Variants in PTPRD observed in about 807,000 individuals in gnomAD.
PTPRD encodes the protein protein tyrosine phosphatase receptor type D, also known as receptor-type tyrosine-protein phosphatase delta.
PTPRD carries 34 observed loss-of-function variants against 214.5 expected under a neutral mutation model. The observed-to-expected ratio is 0.16, with a 90% CI of 0.12 to 0.21. The LOEUF is 0.21. Among genes scored for constraint, PTPRD ranks in the 10% least tolerant of loss-of-function variants. The probability of loss-of-function intolerance (pLI) is 1.00; values close to 1 mark genes in which losing one functional copy is unlikely to be tolerated. For missense variants in PTPRD, 2,545 were observed against 2,398.7 expected (o/e 1.06, Z -1.27); for synonymous variants, 1,128 against 845.7 (o/e 1.33, Z -5.79).
intron 2 of PTPRD, among the ~76,000 whole-genome samples, chr9:10,552,195 G>T (rs779449579): frequency 2.0e-5 from 3 of 152,014 alleles, no homozygotes; most frequent in Non-Finnish European, 2.9e-5. Flanking sequence ...TCATTTTTTT[G>T]TAACTCCAAG....
chr9:9,846,222 T>C (rs1304480817), intron 5 of PTPRD, among the ~76,000 whole-genome samples: 2 of 152,120 alleles, frequency 1.3e-5, no homozygotes, highest in African/African-American at 4.8e-5. Flanking sequence ...ATTGTAGATC[T>C]TTACACCTGT....
intron 10 of PTPRD, among the ~76,000 whole-genome samples, chr9:9,058,014 A>G (rs2154398941): frequency 6.6e-6 from 1 of 152,344 alleles, no homozygotes; most frequent in Non-Finnish European, 1.5e-5. Flanking sequence ...AACGATTTCA[A>G]TACTCTATTG....
At chr9:8,415,607 G>C (rs77845437) in intron 35 of PTPRD, among the ~76,000 whole-genome samples, 7 of 151,830 alleles carry the variant, frequency 4.6e-5, no homozygotes, top group Non-Finnish European at 1.0e-4. Flanking sequence ...ACCATGATAC[G>C]TGTCTCCAAA....
intron 11 of PTPRD, among the ~76,000 whole-genome samples, chr9:8,948,515 A>T (rs1418793854): frequency 0.012 from 215 of 17,574 alleles, 44 homozygotes; most frequent in African/African-American, 0.025. Context: ...TTATATATAT[A>T]TATTTATATA....
chr9:10,417,570 G>A (rs757780637), intron 2 of PTPRD, among the ~76,000 whole-genome samples: 1 of 151,570 alleles, frequency 6.6e-6, no homozygotes, highest in African/African-American at 2.4e-5. Flanking sequence ...AATAAGCATG[G>A]TAATATTTAT....
intron 8 of PTPRD, among the ~76,000 whole-genome samples, chr9:9,454,549 G>C (rs1288368577): frequency 6.6e-6 from 1 of 151,712 alleles, no homozygotes; most frequent in African/African-American, 2.4e-5. Context: ...GTTCCCATTA[G>C]TTCAGTAAGA....
intron 2 of PTPRD, among the ~76,000 whole-genome samples, chr9:10,483,947 A>G (rs2099116354): frequency 6.6e-6 from 1 of 152,140 alleles, no homozygotes; most frequent in Non-Finnish European, 1.5e-5. Context: ...AGGGAATTAA[A>G]TCATCATATC....
intron 5 of PTPRD, among the ~76,000 whole-genome samples, chr9:9,922,677 A>T (rs2082902997): frequency 6.6e-6 from 1 of 152,092 alleles, no homozygotes; most frequent in African/African-American, 2.4e-5. Context: ...AATAACAAAA[A>T]AGTTATTGGA....
rs200989170 is a variant in PTPRD at position 9,076,379 on chromosome 9, GAAGC to G, written c.-142-57648_-142-57645del. Among the ~76,000 whole-genome samples, 1,510 of 152,144 alleles carry G rather than the reference GAAGC, an allele frequency of 9.9e-3. 22 individuals carry two copies. The highest frequency in any genetic ancestry group is 0.034 in the African/African-American group (1,424 of 41,520). ...TGATGGCAGTTTCTTTTGCTGTGCA[GAAGC>G]TCTTTAGTTTAATTAGTGTAAGTGT... is the stretch of plus-strand genomic sequence containing the variant. On this transcript the variant is annotated intron_variant, in intron 10 of 45. Transcript: ENST00000381196.
intron 11 of PTPRD, among the ~76,000 whole-genome samples, chr9:8,923,584 G>A (rs750993662): frequency 9.2e-5 from 14 of 152,034 alleles, no homozygotes; most frequent in Non-Finnish European, 1.9e-4. Flanking sequence ...TTGTTTTTAT[G>A]GAACTAGCAG....
rs1555502598 is a variant in PTPRD, at chr9:10,543,479, T to TATACACACAC, written c.-600+68918_-600+68919insGTGTGTGTAT. 2.6e-4 allele frequency among the ~76,000 whole-genome samples: 38 copies of TATACACACAC among 145,194 alleles called. 1 individual carries two copies. The highest frequency in any genetic ancestry group is 9.8e-4 in the African/African-American group (38 of 38,906). On this transcript the variant is annotated intron_variant, in intron 2 of 45. Transcript: ENST00000381196. ...GTTTGAAGAGTTTAATATATATATATACACACACACACACACACACACACA... is the reference window on the plus strand; with the variant it reads ...GTTTGAAGAGTTTAATATATATATATATACACACACACACACACACACACACACACACACA...
At chr9:9,322,523 G>C (rs1157341417) in intron 9 of PTPRD, among the ~76,000 whole-genome samples, 1 of 152,040 alleles carries the variant, frequency 6.6e-6, no homozygotes, top group Non-Finnish European at 1.5e-5. Context: ...CATATACCTA[G>C]GTTTATGTAA....
At chr9:9,136,071 A>T (rs75368472) in intron 10 of PTPRD, among the ~76,000 whole-genome samples, 5,932 of 152,252 alleles carry the variant, frequency 0.039, 251 homozygotes, top group African/African-American at 0.093. Flanking sequence ...TCTTTTGCTA[A>T]TGAAATATCT....
chr9:10,129,525 T>C (rs984758127), intron 3 of PTPRD, among the ~76,000 whole-genome samples: 6 of 146,706 alleles, frequency 4.1e-5, no homozygotes, highest in African/African-American at 7.5e-5. Context: ...TTCTCACTTA[T>C]CTCACTCGTC....
chr9:8,489,452 T>C (rs1483664537), intron 27 of PTPRD, among the ~76,000 whole-genome samples: 1 of 152,192 alleles, frequency 6.6e-6, no homozygotes, highest in Non-Finnish European at 1.5e-5. Context: ...GCAGAAGTTT[T>C]ACTAAGCCTG....
chr9:8,824,150 G>A (rs532830452), intron 11 of PTPRD, among the ~76,000 whole-genome samples: 5 of 152,194 alleles, frequency 3.3e-5, no homozygotes, highest in African/African-American at 9.6e-5. Flanking sequence ...CCTGTATTTT[G>A]TGCTGACCTT....
intron 2 of PTPRD, among the ~76,000 whole-genome samples, chr9:10,487,650 A>G (rs2099141328): frequency 6.6e-6 from 1 of 152,066 alleles, no homozygotes; most frequent in Non-Finnish European, 1.5e-5. Flanking sequence ...GGAGTTGAAC[A>G]ATGAATACAC....
rs1042020775 is a variant in PTPRD at position 10,531,096 on chromosome 9, C to G, written c.-600+81302G>C. Among the ~76,000 whole-genome samples the G allele has an allele frequency of 2.0e-5, 3 of 151,784 alleles. No homozygotes were observed. The South Asian group carries it at 6.2e-4, about 32-fold the overall frequency. On this transcript the variant is annotated intron_variant, in intron 2 of 45. Transcript: ENST00000381196. The stretch of plus-strand genomic sequence containing the variant: ...TTCCGAGTGGCTGGGATTGCAGGTG[C>G]AAGCCACCACGCCCGGCTAATTTTT...
chr9:9,890,149 A>C (rs1210390745), intron 5 of PTPRD, among the ~76,000 whole-genome samples: 1 of 152,014 alleles, frequency 6.6e-6, no homozygotes, highest in African/African-American at 2.4e-5. Flanking sequence ...GATTTTTTAA[A>C]ATATCTCTTT....
Sources: allele counts gnomAD v4.1 joint callset (sites outside exome capture counted in the v4.1 genomes callset), GRCh38; gene constraint gnomAD v4.1.1; transcripts MANE v1.5; gene names NCBI Gene and HGNC (gene_info 2026-07-23, HGNC 2026-07-21).